The following UBE3B variants were observed in gnomAD, a reference collection of about 807,000 sequenced individuals.
UBE3B encodes ubiquitin protein ligase E3B.
A neutral mutation model predicts 132.3 loss-of-function variants in UBE3B; 80 were observed. That is an observed-to-expected ratio of 0.60 (90% confidence interval 0.50 to 0.73). The LOEUF (loss-of-function observed/expected upper bound fraction) is 0.73, where lower values mean the gene tolerates loss of function less well. Among genes scored for constraint, UBE3B ranks in the 30% least tolerant of loss-of-function variants. The probability of loss-of-function intolerance (pLI) is 0.00; values close to 1 mark genes in which losing one functional copy is unlikely to be tolerated. For missense variants in UBE3B, 1,196 were observed against 1,362.5 expected (o/e 0.88, Z 1.92); for synonymous variants, 487 against 520.4 (o/e 0.94, Z 0.87).
Position 109,534,399 on chromosome 12 carries a change from G to A in UBE3B, c.3016-192G>A, listed in dbSNP as rs563814925. 2.0e-5 allele frequency: 28 copies of A among 1,414,132 alleles called. No homozygotes were observed. The South Asian group carries it at 4.0e-4, about 20-fold the overall frequency. 87.6% of individuals were successfully genotyped at this position (1,414,132 alleles called of 1,614,324 possible). On this transcript the variant is annotated intron_variant, in intron 27 of 27. Transcript: ENST00000342494. The surrounding 1 kb of genome is among the most constrained non-coding windows in gnomAD (Gnocchi z 5.2). ...TCTGTGCAGGCCCCAGGGAGAAGGGGTTCCTTCTCTGGAAGCCAGTCGTCT... is the reference window on the plus strand; with the variant it reads ...TCTGTGCAGGCCCCAGGGAGAAGGGATTCCTTCTCTGGAAGCCAGTCGTCT...
At chr12:109,517,851 C>T (rs1485062977) in intron 19 of UBE3B, 2 of 386,462 alleles carry the variant, frequency 5.2e-6, no homozygotes, top group East Asian at 1.6e-4. Flanking sequence ...GCAGCTGTTC[C>T]TCCTCACGTG....
chr12:109,503,147 C>G lies in UBE3B; in HGVS notation c.1407C>G (p.Thr469=), dbSNP rs750360001. The change falls in exon 14 of 28, where the codon ACC becomes ACG. Residue 469 remains threonine, a synonymous_variant. Transcript: ENST00000342494. ...GCAACATCTGTGTCCTCTACCAGAC[C>G]TCGCTGACAACTCTCACACAGATTC... is the stretch of plus-strand genomic sequence containing the variant. ...KVCNICVLYQ[T]SLTTLTQIRL... 3.1e-6 allele frequency: 5 copies of G among 1,614,230 alleles called. No individual in the cohort carries two copies. In the African/African-American group the frequency reaches 6.7e-5, roughly 22 times the overall value.
downstream of UBE3B, among the ~76,000 whole-genome samples, chr12:109,538,060 A>G (rs1360045955): frequency 6.6e-6 from 1 of 152,262 alleles, no homozygotes; most frequent in Non-Finnish European, 1.5e-5. The surrounding 1 kb of genome is among the most constrained non-coding windows in gnomAD (Gnocchi z 4.1). Flanking sequence ...CTTTATAACC[A>G]GGAAAAATAA....
chr12:109,490,996 G>T, intron 8 of UBE3B, 49 bp from the exon 9 acceptor site: 1 of 1,583,896 alleles, frequency 6.3e-7, no homozygotes, highest in South Asian at 1.1e-5. Context: ...ATGTACAAAT[G>T]AATATAAAGT....
the UBE3B span, among the ~76,000 whole-genome samples, chr12:109,544,243 C>T: frequency 6.6e-6 from 1 of 152,156 alleles, no homozygotes; most frequent in East Asian, 1.9e-4. Flanking sequence ...AGGCCATGGA[C>T]GGACATTGCC....
intron 18 of UBE3B, among the ~76,000 whole-genome samples, chr12:109,515,798 T>G (rs1341190178): frequency 6.6e-6 from 1 of 152,364 alleles, no homozygotes; most frequent in East Asian, 1.9e-4. Flanking sequence ...AGGGTGCTGA[T>G]TCTTGAGCCC....
At chr12:109,481,149 C>T (rs934531601) in intron 1 of UBE3B, among the ~76,000 whole-genome samples, 1 of 151,144 alleles carries the variant, frequency 6.6e-6, no homozygotes, top group Non-Finnish European at 1.5e-5. Flanking sequence ...CACAGTGGCT[C>T]ACACCTGTAA....
At chr12:109,493,610 G>GT in intron 9 of UBE3B, among the ~76,000 whole-genome samples, 1 of 152,298 alleles carries the variant, frequency 6.6e-6, no homozygotes, top group East Asian at 1.9e-4. Flanking sequence ...CCCTCTGAAT[G>GT]TTTGTATATA....
chr12:109,487,327 A>T (rs1450803127), intron 6 of UBE3B, among the ~76,000 whole-genome samples: 1 of 152,206 alleles, frequency 6.6e-6, no homozygotes, highest in African/African-American at 2.4e-5. Context: ...CACAGGAGCC[A>T]CTTCCACTTT....
At chr12:109,540,940 C>T (rs762412388), downstream of UBE3B, among the ~76,000 whole-genome samples, 22 of 152,220 alleles carry the variant, frequency 1.4e-4, no homozygotes, top group Non-Finnish European at 3.1e-4. Context: ...GCAAGAAGTG[C>T]GGTGGGCGGG....
At chr12:109,544,870 T>A in the UBE3B span, among the ~76,000 whole-genome samples, 1 of 152,194 alleles carries the variant, frequency 6.6e-6, no homozygotes, top group Non-Finnish European at 1.5e-5. Context: ...ATAAACTTGG[T>A]CAGTGGATCC....
Position 109,499,686 on chromosome 12 carries a change from G to C in UBE3B, c.994G>C (p.Asp332His). The change falls in exon 12 of 28, where the codon GAT (aspartate) becomes CAT (histidine). Residue 332 changes from aspartate to histidine, a missense_variant. By Grantham distance (81) the Asp-to-His change is moderately conservative. Transcript: ENST00000342494. Reference protein sequence around the residue: ...LSPRVLEEETDGFVSLLTQTL... With the variant: ...LSPRVLEEETHGFVSLLTQTL... Reference sequence around the variant, plus strand: ...CCCCAGAGTGTTAGAGGAGGAGACAGATGGGTTCGTGAGTTTGCTCACCCA... The same window carrying C: ...CCCCAGAGTGTTAGAGGAGGAGACACATGGGTTCGTGAGTTTGCTCACCCA... 6.2e-7 allele frequency: 1 copy of C among 1,613,202 alleles called. No individual in the cohort carries two copies. The highest frequency in any genetic ancestry group is 8.5e-7 in the Non-Finnish European group (1 of 1,179,490).
the UBE3B span, among the ~76,000 whole-genome samples, chr12:109,543,640 C>G: frequency 2.0e-5 from 3 of 152,200 alleles, no homozygotes; most frequent in African/African-American, 7.2e-5. Flanking sequence ...CGAGACCAGC[C>G]TGGCCAACAT....
chr12:109,534,188 G>C lies in UBE3B; in HGVS notation c.3016-403G>C. On this transcript the variant is annotated intron_variant, in intron 27 of 27. Transcript: ENST00000342494. This position sits in a 1 kb window ranked among gnomAD's most constrained non-coding sequence, Gnocchi z 5.2. ...CACAGTCCTCGGCCTCCATGCTTAA[G>C]GGAAAGTTGGCCCAAGTCATGGTCT... The C allele has an allele frequency of 5.7e-6, 7 of 1,235,542 alleles. No homozygotes were observed. Among genetic ancestry groups the C allele is most frequent in the Non-Finnish European group, 7.2e-6 (7 of 968,848 alleles). The allele number at this position is 1,235,542 out of a possible 1,614,324, so 76.5% of individuals were successfully genotyped here. A position where few individuals can be genotyped will look rare whatever the true frequency, so the allele number is the denominator to read the frequency against.
intron 6 of UBE3B, among the ~76,000 whole-genome samples, chr12:109,487,864 G>C (rs759305768): frequency 4.6e-5 from 7 of 152,166 alleles, no homozygotes; most frequent in Non-Finnish European, 8.8e-5. Context: ...TTTGAGGTTT[G>C]AACTCAGTGG....
downstream of UBE3B, among the ~76,000 whole-genome samples, chr12:109,539,249 C>A (rs2004358): frequency 0.17 from 25,577 of 152,186 alleles, 2,210 homozygotes; most frequent in African/African-American, 0.18. Context: ...AACAAAAAAA[C>A]CCCACAAAAA....
At chr12:109,526,574 TA>T in intron 24 of UBE3B, 158 bp downstream of exon 24, 1 of 810,048 alleles carries the variant, frequency 1.2e-6, no homozygotes, top group Non-Finnish European at 1.9e-6. Context: ...GCCAGAATTG[TA>T]TTAAATTCAA....
At chr12:109,530,855 C>T (rs897896106) in intron 26 of UBE3B, among the ~76,000 whole-genome samples, 197 bp downstream of exon 26, 1 of 152,210 alleles carries the variant, frequency 6.6e-6, no homozygotes, top group Non-Finnish European at 1.5e-5. Context: ...GCCGAGCCTG[C>T]TGTGTGTCCC....
Position 109,524,490 on chromosome 12 carries a change from A to G in UBE3B, c.2555A>G (p.Asp852Gly). ...DLGLTLSYDE[D>G]VMGQLVCHEL... is the part of the protein sequence containing the mutation. ...GGCCTGACGCTGTCTTACGACGAGG[A>G]CGTCATGGGTCAGGTAGGTCCGCCC... Residue 852 changes from aspartate (D) to glycine (G), a missense_variant, in exon 23 of 28, where the codon GAC (aspartate) becomes GGC (glycine). Physicochemically the swap from Asp to Gly is moderately conservative, Grantham distance 94. Transcript: ENST00000342494. The G allele has an allele frequency of 1.2e-6, 2 of 1,614,112 alleles. No homozygotes were observed. Among genetic ancestry groups the G allele is most frequent in the African/African-American group, 1.3e-5 (1 of 75,054 alleles).
Sources: allele counts gnomAD v4.1 joint callset (sites outside exome capture counted in the v4.1 genomes callset), GRCh38; gene constraint gnomAD v4.1.1; non-coding constraint Gnocchi (gnomAD v3.1); transcripts MANE v1.5; gene names NCBI Gene and HGNC (gene_info 2026-07-23, HGNC 2026-07-21).